The following BMP7 variants were observed in gnomAD, a reference collection of about 807,000 sequenced individuals.
BMP7 encodes the protein bone morphogenetic protein 7.
In BMP7, 12 loss-of-function variants were observed where a neutral mutation model predicts 41.2. The ratio of observed to expected loss-of-function variants is 0.29; its 90% CI spans 0.19 to 0.47. The LOEUF is 0.47. BMP7 is among the 20% of genes least tolerant of loss of function. The pLI, the probability that BMP7 is intolerant of heterozygous loss-of-function variation, is 0.99. For missense variants in BMP7, 467 were observed against 606.0 expected, an observed-to-expected ratio of 0.77 and a Z score of 2.41; for synonymous variants, 248 against 250.0, an observed-to-expected ratio of 0.99 and a Z score of 0.07.
At chr20:57,194,849 G>A (rs1043266973) in intron 3 of BMP7, among the ~76,000 whole-genome samples, 1 of 152,206 alleles carries the variant, frequency 6.6e-6, no homozygotes, top group Non-Finnish European at 1.5e-5. Context: ...TGGCCCAGCC[G>A]ACTGGAGCCT....
At chr20:57,263,166 C>T (rs12329486) in intron 1 of BMP7, among the ~76,000 whole-genome samples, 3,068 of 152,300 alleles carry the variant, frequency 0.02, 98 homozygotes, top group African/African-American at 0.071. Context: ...AAGGTCAGTG[C>T]GCTCTGTTAA....
chr20:57,217,865 G>A (rs170725), intron 2 of BMP7, among the ~76,000 whole-genome samples: 1 of 151,926 alleles, frequency 6.6e-6, no homozygotes, highest in African/African-American at 2.4e-5. Flanking sequence ...TGTTAAAACA[G>A]GGGAAACCAG....
intron 2 of BMP7, among the ~76,000 whole-genome samples, chr20:57,212,734 C>T (rs1030414935): frequency 1.3e-5 from 2 of 152,198 alleles, no homozygotes; most frequent in Non-Finnish European, 2.9e-5. Context: ...CTGGAGTCAG[C>T]CCAGCAGCAA....
chr20:57,251,518 C>T (rs1021320593), intron 1 of BMP7, among the ~76,000 whole-genome samples: 2 of 152,256 alleles, frequency 1.3e-5, no homozygotes, highest in Admixed American at 6.5e-5. Flanking sequence ...AGGAGTCTTC[C>T]GAGGGGACAT....
intron 1 of BMP7, among the ~76,000 whole-genome samples, chr20:57,239,659 C>A (rs2066061735): frequency 6.6e-6 from 1 of 152,248 alleles, no homozygotes; most frequent in South Asian, 2.1e-4. Flanking sequence ...ACTCCTGCAG[C>A]AAACTTTTGC....
intron 2 of BMP7, among the ~76,000 whole-genome samples, chr20:57,211,965 A>C (rs1055625609): frequency 1.2e-4 from 17 of 142,142 alleles, no homozygotes; most frequent in African/African-American, 4.5e-4. Flanking sequence ...GGAGGAATGA[A>C]TACAGTTTCT....
At chr20:57,210,282 G>A (rs907265453) in intron 2 of BMP7, among the ~76,000 whole-genome samples, 2 of 152,234 alleles carry the variant, frequency 1.3e-5, no homozygotes, top group Non-Finnish European at 2.9e-5. Context: ...GGACGCCCAG[G>A]TGAATCGGCT....
intron 1 of BMP7, among the ~76,000 whole-genome samples, chr20:57,251,496 T>C (rs2066113485): frequency 2.0e-5 from 3 of 152,192 alleles, no homozygotes; most frequent in Admixed American, 2.0e-4. Flanking sequence ...ATGCCTCATG[T>C]TAAAGATGCA....
chr20:57,251,791 G>A (rs927213838), intron 1 of BMP7, among the ~76,000 whole-genome samples: 2 of 152,130 alleles, frequency 1.3e-5, no homozygotes, highest in African/African-American at 2.4e-5. Flanking sequence ...AAAATTATCT[G>A]GGCGTGGTGA....
Position 57,228,317 on chromosome 20 carries a change from G to A in BMP7, c.523C>T (p.Arg175Trp), listed in dbSNP as rs1476787716. 8.1e-6 allele frequency: 13 copies of A among 1,613,912 alleles called. No individual in the cohort carries two copies. Among genetic ancestry groups the A allele is most frequent in the Admixed American group, 1.7e-5 (1 of 59,984 alleles). ...EGEAVTAAEF[R>W]IYKDYIRERF... is the part of the protein sequence containing the mutation. ...TCCCGGATGTAGTCCTTGTAGATCC[G>A]GAATTCGGCTGCCGTGACAGCTTCC... The change falls in exon 2 of 7, where the codon CGG becomes TGG. Residue 175 changes from arginine (R) to tryptophan (W), a missense_variant. Coordinates refer to ENST00000395863, the MANE Select transcript of BMP7 (RefSeq NM_001719.3). The surrounding 1 kb of genome is among the most constrained non-coding windows in gnomAD (Gnocchi z 4.5).
chr20:57,256,290 G>A (rs1377472887), intron 1 of BMP7, among the ~76,000 whole-genome samples: 2 of 152,164 alleles, frequency 1.3e-5, no homozygotes, highest in African/African-American at 4.8e-5. Flanking sequence ...TGACAGGTGG[G>A]GTTGAAAAAT....
intron 1 of BMP7, among the ~76,000 whole-genome samples, chr20:57,253,385 C>G (rs7271402): frequency 0.021 from 3,227 of 152,244 alleles, 127 homozygotes; most frequent in African/African-American, 0.074. Context: ...AGAAGAAAAT[C>G]GAAAGATCTT....
At chr20:57,254,961 G>A (rs1161438322) in intron 1 of BMP7, among the ~76,000 whole-genome samples, 1 of 152,112 alleles carries the variant, frequency 6.6e-6, no homozygotes, top group Non-Finnish European at 1.5e-5. Context: ...AGGCACTCAG[G>A]GCCCTATGCC....
chr20:57,185,397 A>C (rs1348908613), intron 3 of BMP7, among the ~76,000 whole-genome samples: 2 of 152,120 alleles, frequency 1.3e-5, no homozygotes, highest in Non-Finnish European at 2.9e-5. Context: ...TTTAGGACTG[A>C]ATTTGGGAAG....
At chr20:57,178,757 G>C (rs938615257) in intron 4 of BMP7, among the ~76,000 whole-genome samples, 1 of 152,138 alleles carries the variant, frequency 6.6e-6, no homozygotes, top group Admixed American at 6.5e-5. Context: ...TCAGGGATGT[G>C]TCAGGTGAAG....
chr20:57,204,318 G>C (rs1984687203), intron 2 of BMP7, among the ~76,000 whole-genome samples: 1 of 152,166 alleles, frequency 6.6e-6, no homozygotes, highest in Non-Finnish European at 1.5e-5. Flanking sequence ...TTATCTTCCT[G>C]TCTGACCTGG....
intron 4 of BMP7, among the ~76,000 whole-genome samples, chr20:57,176,791 CCT>C (rs1209774483): frequency 6.7e-6 from 1 of 149,952 alleles, no homozygotes; most frequent in African/African-American, 2.5e-5. Flanking sequence ...CACACACACA[CCT>C]GTTAACTGTT....
intron 3 of BMP7, among the ~76,000 whole-genome samples, chr20:57,197,451 C>T (rs1434685044): frequency 6.6e-6 from 1 of 152,150 alleles, no homozygotes; most frequent in Non-Finnish European, 1.5e-5. Flanking sequence ...CTCCAAACCC[C>T]ATCCTGAGGC....
At chr20:57,263,127 G>C (rs933785956) in intron 1 of BMP7, among the ~76,000 whole-genome samples, 1 of 152,194 alleles carries the variant, frequency 6.6e-6, no homozygotes, top group Non-Finnish European at 1.5e-5. Context: ...TAATGACCTC[G>C]AGTTTAGGGA....
Sources: gnomAD v4.1 joint callset for allele counts (sites outside exome capture counted in the v4.1 genomes callset) on GRCh38, gnomAD v4.1.1 for gene constraint, Gnocchi (gnomAD v3.1) non-coding constraint, MANE v1.5 for transcripts, NCBI Gene and HGNC (gene_info 2026-07-23, HGNC 2026-07-21) for gene names.